SLIT2: variants seen among roughly 807,000 people sequenced by gnomAD.
SLIT2 encodes slit guidance ligand 2.
Under a neutral mutation model 185.7 loss-of-function variants are expected in SLIT2, and 41 were observed. The observed-to-expected ratio is 0.22, with a 90% CI of 0.17 to 0.29. The LOEUF is 0.29. Ranked by LOEUF, SLIT2 falls within the 10% of genes least tolerant of loss-of-function variation. SLIT2 has a pLI of 1.00. For missense variants in SLIT2, 1,571 were observed against 1,909.0 expected (o/e 0.82, Z 3.30); for synonymous variants, 693 against 680.2 (o/e 1.02, Z -0.29).
chr4:20,583,013 C>G (rs1310988300), intron 29 of SLIT2, among the ~76,000 whole-genome samples: 1 of 152,184 alleles, frequency 6.6e-6, no homozygotes, highest in Non-Finnish European at 1.5e-5. Flanking sequence ...CTACTCAGAA[C>G]TCATGCAATT....
intron 33 of SLIT2, among the ~76,000 whole-genome samples, chr4:20,609,760 A>T (rs1729070140): frequency 6.6e-6 from 1 of 152,220 alleles, no homozygotes; most frequent in Admixed American, 6.5e-5. Flanking sequence ...GATGATGATG[A>T]AATGTAGTTA....
At chr4:20,552,916 T>A (rs933195120) in intron 25 of SLIT2, among the ~76,000 whole-genome samples, 5 of 152,208 alleles carry the variant, frequency 3.3e-5, no homozygotes, top group African/African-American at 1.2e-4. Flanking sequence ...ATTAATTAAA[T>A]GGACCTTATA....
In SLIT2 at chr4:20,484,187, TC is replaced by T. The variant is rs1251501123; in HGVS notation, c.540-2010del. Among the ~76,000 whole-genome samples, 1 of 152,090 alleles carries T rather than the reference TC, an allele frequency of 6.6e-6. No homozygotes were observed. The highest frequency in any genetic ancestry group is 1.9e-4 in the East Asian group (1 of 5,186). On this transcript the variant is annotated intron_variant, in intron 6 of 36. Transcript: ENST00000504154. This position sits in a 1 kb window ranked among gnomAD's most constrained non-coding sequence, Gnocchi z 4.3. ...CTGTGTAGTACTTAAAACAATTTATTCCCAAAGTCATATTTCAGAATGCTAT... is the reference window on the plus strand; with the variant it reads ...CTGTGTAGTACTTAAAACAATTTATTCCAAAGTCATATTTCAGAATGCTAT...
At chr4:20,279,415 T>G (rs1714502677) in intron 4 of SLIT2, among the ~76,000 whole-genome samples, 1 of 152,192 alleles carries the variant, frequency 6.6e-6, no homozygotes, top group Non-Finnish European at 1.5e-5. Flanking sequence ...CTTTCTTTCC[T>G]CCTTCCTCCT....
chr4:20,471,648 C>A (rs1218808665), intron 5 of SLIT2, among the ~76,000 whole-genome samples: 1 of 152,162 alleles, frequency 6.6e-6, no homozygotes, highest in Non-Finnish European at 1.5e-5. Context: ...CACATTCAGG[C>A]CTTAGAGCAA....
At chr4:20,600,957 GA>G (rs1728369501) in intron 33 of SLIT2, among the ~76,000 whole-genome samples, 1 of 150,732 alleles carries the variant, frequency 6.6e-6, no homozygotes, top group East Asian at 1.9e-4. Context: ...AATAATATAA[GA>G]AAAAAGGAAG....
At chr4:20,311,858 CAG>C (rs754658234) in intron 4 of SLIT2, among the ~76,000 whole-genome samples, 2 of 152,134 alleles carry the variant, frequency 1.3e-5, no homozygotes, top group African/African-American at 2.4e-5. Flanking sequence ...TTGAATTTCT[CAG>C]GGCTTTCAAT....
At position 20,568,811 on chromosome 4, in the gene SLIT2, G is replaced by T; in HGVS notation, c.2949-54G>T. ...GCTTTTTTCAATATTTAGACCACAT[G>T]ACTTTAAAATGCAACAAAAAGATGT... On this transcript the variant is annotated intron_variant, in intron 28 of 36. Transcript: ENST00000504154. 1.9e-6 allele frequency: 3 copies of T among 1,541,032 alleles called. No individual in the cohort carries two copies. The South Asian group carries it at 3.6e-5, about 18-fold the overall frequency.
chr4:20,368,353 GAT>G (rs1723306592), intron 4 of SLIT2, among the ~76,000 whole-genome samples: 1 of 149,428 alleles, frequency 6.7e-6, no homozygotes, highest in Non-Finnish European at 1.5e-5. Flanking sequence ...TAAAAAAAAA[GAT>G]TAACAGAAAA....
chr4:20,580,410 CGTGTGT>C (rs58904041), intron 29 of SLIT2, among the ~76,000 whole-genome samples: 174 of 148,722 alleles, frequency 1.2e-3, no homozygotes, highest in African/African-American at 3.4e-3. Flanking sequence ...ATATATTATA[CGTGTGT>C]GTGTGTGTGT....
At chr4:20,486,817 G>A (rs949832983) in intron 7 of SLIT2, among the ~76,000 whole-genome samples, 12 of 151,982 alleles carry the variant, frequency 7.9e-5, no homozygotes, top group Non-Finnish European at 1.6e-4. Context: ...TGAAGAAAAA[G>A]TAATCCTTAA....
At chr4:20,385,435 T>A (rs1182198772) in intron 4 of SLIT2, among the ~76,000 whole-genome samples, 1 of 152,138 alleles carries the variant, frequency 6.6e-6, no homozygotes. Flanking sequence ...TTGAGGGAGA[T>A]GTGAATATAT....
intron 12 of SLIT2, among the ~76,000 whole-genome samples, chr4:20,522,605 A>G (rs1720931550): frequency 6.6e-6 from 1 of 152,182 alleles, no homozygotes; most frequent in Admixed American, 6.5e-5. Flanking sequence ...AAGCTCACAC[A>G]CAGTCACATC....
At chr4:20,446,309 G>A (rs1321477713) in intron 4 of SLIT2, among the ~76,000 whole-genome samples, 1 of 152,170 alleles carries the variant, frequency 6.6e-6, no homozygotes, top group Non-Finnish European at 1.5e-5. Context: ...TTTGCGGTAA[G>A]GGATCAGCTC....
intron 3 of SLIT2, among the ~76,000 whole-genome samples, chr4:20,263,373 C>G (rs1463568172): frequency 6.6e-6 from 1 of 151,800 alleles, no homozygotes; most frequent in Non-Finnish European, 1.5e-5. Flanking sequence ...TGTGTGTCCT[C>G]TCTGCAATGT....
intron 4 of SLIT2, among the ~76,000 whole-genome samples, chr4:20,322,395 G>T (rs572138831): frequency 6.6e-6 from 1 of 152,256 alleles, no homozygotes; most frequent in African/African-American, 2.4e-5. Flanking sequence ...GGGACAACTC[G>T]AAGTGGGGAG....
At chr4:20,388,363 A>G (rs929178936) in intron 4 of SLIT2, among the ~76,000 whole-genome samples, 2 of 152,224 alleles carry the variant, frequency 1.3e-5, no homozygotes, top group Non-Finnish European at 1.5e-5. Flanking sequence ...AAGAGCAAAT[A>G]AGCCAAGGAA....
chr4:20,489,659 C>T (rs1221061675), intron 8 of SLIT2, among the ~76,000 whole-genome samples: 1 of 152,146 alleles, frequency 6.6e-6, no homozygotes, highest in African/African-American at 2.4e-5. Flanking sequence ...TGGTGCATGC[C>T]TGTAATTCTA....
chr4:20,372,364 T>G (rs1723657907), intron 4 of SLIT2, among the ~76,000 whole-genome samples: 1 of 151,928 alleles, frequency 6.6e-6, no homozygotes, highest in African/African-American at 2.4e-5. Context: ...TTTTTTTTTT[T>G]ACCTCCTTAA....
Sources: allele counts gnomAD v4.1 joint callset (sites outside exome capture counted in the v4.1 genomes callset), GRCh38; gene constraint gnomAD v4.1.1; non-coding constraint Gnocchi (gnomAD v3.1); transcripts MANE v1.5; gene names NCBI Gene and HGNC (gene_info 2026-07-23, HGNC 2026-07-21).